The following AMZ1 variants were observed in gnomAD, a reference collection of about 807,000 sequenced individuals.
The protein encoded by AMZ1 is archaelysin family metallopeptidase 1.
AMZ1 carries 39 observed loss-of-function variants against 29.9 expected under a neutral mutation model. The ratio of observed to expected loss-of-function variants is 1.30; its 90% CI spans 1.01 to 1.70. The LOEUF (loss-of-function observed/expected upper bound fraction) is 1.70. Among genes scored for constraint, AMZ1 ranks in the 40% most tolerant of loss-of-function variants. The pLI is 0.00. For synonymous variants in AMZ1, 458 were observed against 304.0 expected (o/e 1.51, Z -5.27); for missense variants, 1,041 against 680.6 (o/e 1.53, Z -5.89).
Position 2,715,152 on chromosome 7 carries a change from C to T in AMZ1, c.*2274C>T, listed in dbSNP as rs1162391341. ...TCAGATGGAAGCTCTGTGGCCTTTCCTAACTCGGCCTCACGTCACAGAGCG... is the reference window on the plus strand; with the variant it reads ...TCAGATGGAAGCTCTGTGGCCTTTCTTAACTCGGCCTCACGTCACAGAGCG... On this transcript the variant is annotated 3_prime_UTR_variant, in exon 7 of 7. Coordinates refer to ENST00000683327, the MANE Select transcript of AMZ1 (RefSeq NM_001384743.1). 2 of 152,230 alleles carry T rather than the reference C, an allele frequency of 1.3e-5. No homozygotes were observed. The highest frequency in any genetic ancestry group is 1.9e-4 in the East Asian group (1 of 5,244). 9.4% of individuals were successfully genotyped at this position (152,230 alleles called of 1,614,324 possible). A position where few individuals can be genotyped will look rare whatever the true frequency, so the allele number is the denominator to read the frequency against.
Position 2,731,902 on chromosome 7 carries a change from T to C in AMZ1, n.550+22086T>C. On this transcript the variant is annotated intron_variant and non_coding_transcript_variant, in intron 4 of 4. Coordinates refer to the AMZ1 transcript ENST00000489665. The surrounding 1 kb of genome is among the most constrained non-coding windows in gnomAD (Gnocchi z 6.0). Reference sequence around the variant, plus strand: ...CAAAAGCAAATTTCATTTATAACATTATCAACTGGCCGTGAAACAGAAAGA... The same window carrying C: ...CAAAAGCAAATTTCATTTATAACATCATCAACTGGCCGTGAAACAGAAAGA... 1 of 515,750 alleles carries C rather than the reference T, an allele frequency of 1.9e-6. No homozygotes were observed. Among genetic ancestry groups the C allele is most frequent in the South Asian group, 3.7e-5 (1 of 26,932 alleles). The allele number at this position is 515,750 out of a possible 1,614,324, so 31.9% of individuals were successfully genotyped here.
chr7:2,751,413 A>C (rs974066598), intron 4 of AMZ1, among the ~76,000 whole-genome samples: 14 of 151,434 alleles, frequency 9.2e-5, no homozygotes, highest in African/African-American at 2.4e-4. Context: ...AAAAAAAAAA[A>C]CAGCTTATAG....
intron 2 of AMZ1, among the ~76,000 whole-genome samples, chr7:2,701,702 C>G (rs111933050): frequency 6.6e-6 from 1 of 152,228 alleles, no homozygotes; most frequent in Non-Finnish European, 1.5e-5. Context: ...TTCTGACCAG[C>G]GCACCACGCC....
chr7:2,714,054 T>TTGTTG lies in AMZ1; in HGVS notation c.*1180_*1184dup, dbSNP rs1244931620. 8 of 152,228 alleles carry TTGTTG rather than the reference T, an allele frequency of 5.3e-5. No homozygotes were observed. Among genetic ancestry groups the TTGTTG allele is most frequent in the Admixed American group, 2.6e-4 (4 of 15,288 alleles). The allele number at this position is 152,228 out of a possible 1,614,324, so 9.4% of individuals were successfully genotyped here. A position where few individuals can be genotyped will look rare whatever the true frequency, so the allele number is the denominator to read the frequency against. On this transcript the variant is annotated 3_prime_UTR_variant, in exon 7 of 7. Transcript: ENST00000683327. ...CTCCTTTACGTCCCTGCACATTTGATTGTTGTGTCTTCCTGAGGAATTGAC... is the reference window on the plus strand; with the variant it reads ...CTCCTTTACGTCCCTGCACATTTGATTGTTGTGTTGTGTCTTCCTGAGGAATTGAC...
chr7:2,712,674 C>A lies in AMZ1; in HGVS notation c.1293C>A (p.Asp431Glu). The A allele has an allele frequency of 6.2e-7, 1 of 1,612,994 alleles. No homozygotes were observed. The highest frequency in any genetic ancestry group is 8.5e-7 in the Non-Finnish European group (1 of 1,179,902). The change falls in exon 7 of 7, where the codon GAC becomes GAA. Residue 431 changes from aspartate to glutamate, a missense_variant. By Grantham distance (45) the Asp-to-Glu change is conservative. Transcript: ENST00000683327. Reference protein sequence around the residue: ...EVAEEDLVQVDRAVDALDRWE... With the variant: ...EVAEEDLVQVERAVDALDRWE... ...CAGAGGAGGACCTGGTGCAGGTGGACAGAGCCGTGGACGCCCTCGACCGCT... is the reference window on the plus strand; with the variant it reads ...CAGAGGAGGACCTGGTGCAGGTGGAAAGAGCCGTGGACGCCCTCGACCGCT...
chr7:2,686,800 C>T (rs953517965), upstream of AMZ1, among the ~76,000 whole-genome samples: 2 of 151,954 alleles, frequency 1.3e-5, no homozygotes, highest in African/African-American at 4.8e-5. Context: ...CTGCAACCTC[C>T]GCCTCCCGGG....
chr7:2,736,660 C>G (rs886983767), intron 4 of AMZ1, among the ~76,000 whole-genome samples: 9 of 152,226 alleles, frequency 5.9e-5, no homozygotes, highest in Non-Finnish European at 1.2e-4. Context: ...CATGAGGAGA[C>G]CGCCTTTCTG....
chr7:2,742,811 A>C (rs774312858), intron 4 of AMZ1, among the ~76,000 whole-genome samples: 1 of 152,226 alleles, frequency 6.6e-6, no homozygotes, highest in African/African-American at 2.4e-5. Context: ...GGCATCTTTA[A>C]ACATTTCCCA....
chr7:2,688,720 C>G (rs1335218567), intron 1 of AMZ1, among the ~76,000 whole-genome samples: 1 of 152,210 alleles, frequency 6.6e-6, no homozygotes, highest in Non-Finnish European at 1.5e-5. Context: ...CGGGGAACCT[C>G]CAGGGCGCCG....
chr7:2,758,878 C>T (rs1791424252), intron 4 of AMZ1, among the ~76,000 whole-genome samples: 1 of 152,182 alleles, frequency 6.6e-6, no homozygotes, highest in Admixed American at 6.5e-5. Flanking sequence ...GGCGCGGTGG[C>T]TCATGCCTAT....
intron 4 of AMZ1, among the ~76,000 whole-genome samples, chr7:2,737,099 G>A (rs1200217754): frequency 6.6e-6 from 1 of 152,100 alleles, no homozygotes; most frequent in Non-Finnish European, 1.5e-5. Flanking sequence ...ACTGGGGAGT[G>A]AGAGGAAAAG....
intron 1 of AMZ1, among the ~76,000 whole-genome samples, chr7:2,692,266 C>T (rs774360909): frequency 3.6e-4 from 55 of 152,110 alleles, no homozygotes; most frequent in Non-Finnish European, 4.9e-4. Flanking sequence ...CTTGGCCGGG[C>T]GTGGTGGCTC....
chr7:2,703,004 A>G, intron 3 of AMZ1, 115 bp downstream of exon 3: 1 of 1,372,038 alleles, frequency 7.3e-7, no homozygotes, highest in African/African-American at 1.5e-5. Context: ...TTGCTGGGAA[A>G]CATCCATTTC....
At chr7:2,680,857 C>T (rs972758300) in intron 1 of AMZ1, among the ~76,000 whole-genome samples, 11 of 152,250 alleles carry the variant, frequency 7.2e-5, no homozygotes, top group South Asian at 2.1e-4. Flanking sequence ...CGGGGCCAGG[C>T]GTGTCTGAGG....
At chr7:2,734,146 T>C (rs896006335) in intron 4 of AMZ1, among the ~76,000 whole-genome samples, 4 of 152,096 alleles carry the variant, frequency 2.6e-5, no homozygotes, top group African/African-American at 7.2e-5. Flanking sequence ...TGTTCCATAG[T>C]GCGAAGGGCC....
At chr7:2,720,160 G>GCGGCTCCCCTCTGAGACT (rs757845108), downstream of AMZ1, among the ~76,000 whole-genome samples, 265 of 152,356 alleles carry the variant, frequency 1.7e-3, 1 homozygote, top group Non-Finnish European at 2.8e-3. Flanking sequence ...CGTGCAAAGC[G>GCGGCTCCCCTCTGAGACT]CGGCTCCCCT....
intron 1 of AMZ1, among the ~76,000 whole-genome samples, chr7:2,699,526 C>T (rs1227818744): frequency 1.5e-5 from 2 of 137,512 alleles, no homozygotes; most frequent in Non-Finnish European, 3.4e-5. Flanking sequence ...GGGCTGCGTA[C>T]CCCCGCCCCC....
intron 4 of AMZ1, among the ~76,000 whole-genome samples, chr7:2,753,304 C>G (rs1412873337): frequency 6.6e-6 from 1 of 152,130 alleles, no homozygotes; most frequent in Non-Finnish European, 1.5e-5. Context: ...TAGGTGCATG[C>G]CACCACGATT....
intron 4 of AMZ1, among the ~76,000 whole-genome samples, chr7:2,756,319 A>T (rs573277431): frequency 2.0e-5 from 3 of 152,358 alleles, no homozygotes; most frequent in Admixed American, 1.3e-4. Context: ...TATGTCCTAT[A>T]TAAATCTAAT....
Sources: gnomAD v4.1 joint callset for allele counts (sites outside exome capture counted in the v4.1 genomes callset) on GRCh38, gnomAD v4.1.1 for gene constraint, Gnocchi (gnomAD v3.1) non-coding constraint, MANE v1.5 for transcripts, NCBI Gene and HGNC (gene_info 2026-07-23, HGNC 2026-07-21) for gene names.